MTMR9: variants seen among roughly 807,000 people sequenced by gnomAD.
MTMR9 encodes myotubularin-related protein 9.
Under a neutral mutation model 69.5 loss-of-function variants are expected in MTMR9, and 39 were observed. The observed-to-expected ratio is 0.56, with a 90% CI of 0.43 to 0.73. The LOEUF is 0.73. MTMR9 is among the 30% of genes least tolerant of loss of function. The probability of loss-of-function intolerance (pLI) is 0.00; values close to 1 mark genes in which losing one functional copy is unlikely to be tolerated. For synonymous variants in MTMR9, 354 were observed against 240.8 expected (o/e 1.47, Z -4.35); for missense variants, 900 against 671.2 (o/e 1.34, Z -3.77).
intron 8 of MTMR9, chr8:11,317,691 G>T (rs1479461919): frequency 6.6e-6 from 1 of 152,430 alleles, no homozygotes; most frequent in Non-Finnish European, 1.5e-5. Context: ...GTTACACCTA[G>T]AAACTGTCCT....
At chr8:11,288,984 C>T (rs1799286287) in intron 1 of MTMR9, among the ~76,000 whole-genome samples, 2 of 152,128 alleles carry the variant, frequency 1.3e-5, no homozygotes, top group South Asian at 2.1e-4. Context: ...ACAGCCTGGC[C>T]AGTATGGTGA....
rs1177286346 is a variant in MTMR9, at chr8:11,306,279, T to C, written c.681T>C (p.Ala227=). ...DEKLINATLR[A]GKRGYIIDTR... ...AGCTGATAAATGCTACCCTCAGGGC[T>C]GGAAAGCGTGGCTACATCATTGACA... is the stretch of plus-strand genomic sequence containing the variant. Residue 227 remains alanine (A), a synonymous_variant, in exon 5 of 10, where the codon GCT becomes GCC. Transcript: ENST00000221086. 6.2e-7 allele frequency: 1 copy of C among 1,613,942 alleles called. No individual in the cohort carries two copies. Among genetic ancestry groups the C allele is most frequent in the Non-Finnish European group, 8.5e-7 (1 of 1,179,964 alleles).
chr8:11,329,613 G>A (rs775279636), downstream of MTMR9, among the ~76,000 whole-genome samples: 1 of 152,254 alleles, frequency 6.6e-6, no homozygotes, highest in Non-Finnish European at 1.5e-5. Context: ...GGTTCACTCA[G>A]TGCTCAATGT....
At chr8:11,314,558 C>T (rs187998581) in intron 6 of MTMR9, among the ~76,000 whole-genome samples, 58 of 152,194 alleles carry the variant, frequency 3.8e-4, no homozygotes, top group Middle Eastern at 6.8e-3. Flanking sequence ...CTTTAACCAA[C>T]GATTAAAGCA....
chr8:11,294,635 G>T (rs1799485342), intron 1 of MTMR9: 1 of 151,196 alleles, frequency 6.6e-6, no homozygotes, highest in Non-Finnish European at 1.5e-5. Flanking sequence ...CTGAGTAGCT[G>T]CATGCCACCA....
At chr8:11,310,952 G>A (rs1800173935) in intron 6 of MTMR9, among the ~76,000 whole-genome samples, 1 of 152,140 alleles carries the variant, frequency 6.6e-6, no homozygotes, top group Non-Finnish European at 1.5e-5. Flanking sequence ...CCAGACTCTT[G>A]GGAAGGTTCA....
intron 1 of MTMR9, among the ~76,000 whole-genome samples, chr8:11,286,737 A>G (rs905678573): frequency 4.0e-5 from 6 of 150,296 alleles, no homozygotes; most frequent in Admixed American, 2.0e-4. Context: ...TCAGTCATTC[A>G]TGGCATTCTG....
downstream of MTMR9, chr8:11,331,221 G>C (rs1282520723): frequency 2.5e-6 from 4 of 1,613,976 alleles, no homozygotes; most frequent in South Asian, 3.3e-5. Flanking sequence ...TGCCACCAAT[G>C]GCCTGCTGGT....
chr8:11,301,578 T>C (rs76953169), intron 3 of MTMR9, among the ~76,000 whole-genome samples: 2,517 of 152,286 alleles, frequency 0.017, 98 homozygotes, highest in East Asian at 0.16. Context: ...AGAAAATCTT[T>C]ATGACCTTCA....
At chr8:11,328,976 C>T (rs935267113), downstream of MTMR9, among the ~76,000 whole-genome samples, 3 of 152,290 alleles carry the variant, frequency 2.0e-5, no homozygotes, top group Middle Eastern at 6.8e-3. Context: ...AAGGTAAGGG[C>T]CCAATTTCAT....
chr8:11,285,245 C>T (rs1008699512), intron 1 of MTMR9, 175 bp downstream of exon 1: 1 of 592,004 alleles, frequency 1.7e-6, no homozygotes, highest in Non-Finnish European at 2.9e-6. Context: ...ATGGAGGACC[C>T]GGTTTCCATT....
At chr8:11,306,525 T>A (rs1467101599) in intron 5 of MTMR9, 118 bp downstream of exon 5, 5 of 851,768 alleles carry the variant, frequency 5.9e-6, no homozygotes, top group African/African-American at 1.8e-5. Flanking sequence ...TTAGGGTCAA[T>A]GATGGGCTAG....
chr8:11,297,118 G>T (rs767795138), intron 2 of MTMR9, among the ~76,000 whole-genome samples: 6 of 151,908 alleles, frequency 3.9e-5, no homozygotes, highest in African/African-American at 1.5e-4. Context: ...TTTTCTTTCC[G>T]TGTATGTGTA....
At chr8:11,329,340 T>G (rs1041411617), downstream of MTMR9, among the ~76,000 whole-genome samples, 2 of 152,212 alleles carry the variant, frequency 1.3e-5, no homozygotes, top group Non-Finnish European at 2.9e-5. Context: ...TCCCTCTCTT[T>G]CCATGGTCTC....
At chr8:11,303,477 G>GCTAGCCC (rs1484864147) in intron 3 of MTMR9, among the ~76,000 whole-genome samples, 1 of 152,074 alleles carries the variant, frequency 6.6e-6, no homozygotes, top group African/African-American at 2.4e-5. Context: ...GCAAGGAACA[G>GCTAGCCC]ATAACTACAT....
chr8:11,331,190 C>G, downstream of MTMR9: 1 of 1,613,900 alleles, frequency 6.2e-7, no homozygotes, highest in Non-Finnish European at 8.5e-7. Context: ...TCCGCTGGCA[C>G]CAGCGCTGCC....
At chr8:11,338,305 G>T in the MTMR9 span, among the ~76,000 whole-genome samples, 1 of 152,210 alleles carries the variant, frequency 6.6e-6, no homozygotes, top group African/African-American at 2.4e-5. Flanking sequence ...GTTCTCCGGA[G>T]TGTCCAGAGG....
intron 3 of MTMR9, among the ~76,000 whole-genome samples, chr8:11,302,278 G>A (rs1312088556): frequency 5.6e-4 from 45 of 80,796 alleles, no homozygotes; most frequent in South Asian, 1.5e-3. Context: ...AAAAAAAGAG[G>A]AAGACAAAAA....
rs1166865019 is a variant in MTMR9 at position 11,322,667 on chromosome 8, A to G, written c.1529A>G (p.Glu510Gly). The G allele has an allele frequency of 6.2e-7, 1 of 1,613,866 alleles. No homozygotes were observed. The highest frequency in any genetic ancestry group is 8.5e-7 in the Non-Finnish European group (1 of 1,179,796). ...RWNRSSKYLD[E>G]AYEEMVNIIE... ...AATAGATCCTCTAAGTATTTGGATG[A>G]AGCATATGAAGAAATGGTTAACATC... is the stretch of plus-strand genomic sequence containing the variant. Residue 510 changes from glutamate (E) to glycine (G), a missense_variant, in exon 10 of 10, where the codon GAA becomes GGA. By Grantham distance (98) the Glu-to-Gly change is moderately conservative (BLOSUM62 -2). Coordinates refer to ENST00000221086, the MANE Select transcript of MTMR9 (RefSeq NM_015458.4).
Sources: allele counts gnomAD v4.1 joint callset (sites outside exome capture counted in the v4.1 genomes callset), GRCh38; gene constraint gnomAD v4.1.1; transcripts MANE v1.5; gene names NCBI Gene and HGNC (gene_info 2026-07-23, HGNC 2026-07-21).